Variants in MYH10 observed in about 807,000 individuals in gnomAD.
MYH10 encodes myosin-10.
In MYH10, 55 loss-of-function variants were observed where a neutral mutation model predicts 257.8. That is an observed-to-expected ratio of 0.21 (90% CI 0.17 to 0.27). The LOEUF (loss-of-function observed/expected upper bound fraction) is 0.27, where lower values mean the gene tolerates loss of function less well. MYH10 is among the 10% of genes least tolerant of loss of function. The pLI, the probability that MYH10 is intolerant of heterozygous loss-of-function variation, is 1.00. For synonymous variants in MYH10, 854 were observed against 921.7 expected (o/e 0.93, Z 1.33); for missense variants, 1,631 against 2,500.6 (o/e 0.65, Z 7.42).
chr17:8,497,261 G>A (rs969320829), intron 30 of MYH10, among the ~76,000 whole-genome samples: 1 of 152,152 alleles, frequency 6.6e-6, no homozygotes, highest in East Asian at 1.9e-4. Flanking sequence ...AGACAGCTCT[G>A]TAATTCTTTT....
chr17:8,583,068 GATTTTGTGA>G (rs1393333936), intron 4 of MYH10, among the ~76,000 whole-genome samples: 3 of 152,190 alleles, frequency 2.0e-5, no homozygotes, highest in Admixed American at 2.0e-4. Flanking sequence ...GAAGAGCAGA[GATTTTGTGA>G]TCAACATAGG....
intron 31 of MYH10, among the ~76,000 whole-genome samples, chr17:8,494,596 A>ATG (rs1916293044): frequency 6.6e-6 from 1 of 152,084 alleles, no homozygotes; most frequent in Admixed American, 6.6e-5. Flanking sequence ...ATAAACACTC[A>ATG]TAAGTGTTTG....
rs1462076174 is a variant in MYH10, at chr17:8,535,371, A to G, written c.1894+16T>C. 7.6e-6 allele frequency: 12 copies of G among 1,588,290 alleles called. No individual in the cohort carries two copies. Among genetic ancestry groups the G allele is most frequent in the African/African-American group, 1.3e-5 (1 of 74,314 alleles). Reference sequence around the variant, plus strand: ...ATTCCAGCCAAGCATGATTACAAAGATAAGCACTTTCTTACCATCTTTCCA... The same window carrying G: ...ATTCCAGCCAAGCATGATTACAAAGGTAAGCACTTTCTTACCATCTTTCCA... On this transcript the variant is annotated intron_variant, in intron 16 of 42. Coordinates refer to ENST00000360416, the MANE Select transcript of MYH10 (RefSeq NM_001256012.3). The surrounding 1 kb of genome is among the most constrained non-coding windows in gnomAD (Gnocchi z 4.3).
At position 8,602,169 on chromosome 17, in the gene MYH10, G is replaced by A. The variant is rs955314358; in HGVS notation, c.502+2657C>T. 5.9e-5 allele frequency among the ~76,000 whole-genome samples: 9 copies of A among 152,204 alleles called. 1 individual carries two copies. The highest frequency in any genetic ancestry group is 1.0e-4 in the Non-Finnish European group (7 of 68,006). Reference sequence around the variant, plus strand: ...TTTTTGTATTTTCTTTAATACAGACGGGGTTTCACCGTGTTAGCCAGGATG... The same window carrying A: ...TTTTTGTATTTTCTTTAATACAGACAGGGTTTCACCGTGTTAGCCAGGATG... On this transcript the variant is annotated intron_variant, in intron 3 of 42. Transcript: ENST00000360416.
At chr17:8,536,585 G>C (rs2082144802) in intron 14 of MYH10, among the ~76,000 whole-genome samples, 1 of 152,130 alleles carries the variant, frequency 6.6e-6, no homozygotes, top group Admixed American at 6.5e-5. Context: ...TGGATCACGA[G>C]GTCAGGGGTT....
intron 1 of MYH10, among the ~76,000 whole-genome samples, chr17:8,624,179 T>C (rs979417303): frequency 6.6e-6 from 1 of 152,220 alleles, no homozygotes; most frequent in African/African-American, 2.4e-5. Context: ...CAAGACCTAG[T>C]TGTTTTATTT....
intron 17 of MYH10, among the ~76,000 whole-genome samples, chr17:8,527,600 C>T (rs900510923): frequency 5.9e-5 from 9 of 152,208 alleles, no homozygotes; most frequent in African/African-American, 1.4e-4. Context: ...AAACATTTAT[C>T]GGGTTTCTCT....
At chr17:8,511,088 A>T (rs954322842) in intron 24 of MYH10, 3 of 147,652 alleles carry the variant, frequency 2.0e-5, no homozygotes, top group African/African-American at 7.6e-5. Flanking sequence ...ACACACACAC[A>T]CTTAATATAT....
At chr17:8,481,452 T>G (rs368792401) in intron 37 of MYH10, 42 bp from the exon 38 acceptor site, 3 of 1,580,160 alleles carry the variant, frequency 1.9e-6, no homozygotes, top group Non-Finnish European at 2.6e-6. Flanking sequence ...TGTGAATAGT[T>G]TCCTCACCTG....
Position 8,504,679 on chromosome 17 carries a change from C to G in MYH10, c.3599+15G>C, listed in dbSNP as rs769533095. 92 of 1,609,626 alleles carry G rather than the reference C, an allele frequency of 5.7e-5. No individual in the cohort carries two copies. In the Admixed American group the frequency reaches 1.5e-3, roughly 27 times the overall value. On this transcript the variant is annotated intron_variant, in intron 28 of 42. Transcript: ENST00000360416. The surrounding 1 kb of genome is among the most constrained non-coding windows in gnomAD (Gnocchi z 5.6). ...TCGGCAGGCGCCCGGGCCCTGCTTC[C>G]TCTCCCACACTCACCGTAGTTCCTG...
intron 2 of MYH10, among the ~76,000 whole-genome samples, chr17:8,611,980 C>T (rs566153015): frequency 6.6e-6 from 1 of 152,330 alleles, no homozygotes; most frequent in East Asian, 1.9e-4. Flanking sequence ...TGTCCACAAT[C>T]AACTGTGGTC....
At chr17:8,614,867 G>A (rs9904190) in intron 2 of MYH10, among the ~76,000 whole-genome samples, 53,431 of 152,002 alleles carry the variant, frequency 0.35, 11,215 homozygotes, top group African/African-American at 0.6. Context: ...ATACAAATAA[G>A]TTATCAGTAT....
At position 8,628,038 on chromosome 17, in the gene MYH10, C is replaced by T. The variant is rs572690612; in HGVS notation, c.-32+2616G>A. On this transcript the variant is annotated intron_variant, in intron 1 of 42. Transcript: ENST00000360416. ...TTTGAAGGGTGTGTAGTGTACAATG[C>T]TATATACTACCTTTCTACTAAATAA... Among the ~76,000 whole-genome samples the T allele has an allele frequency of 3.3e-5, 5 of 152,256 alleles. No individual in the cohort carries two copies. The South Asian group carries it at 6.2e-4, about 19-fold the overall frequency.
intron 19 of MYH10, among the ~76,000 whole-genome samples, chr17:8,520,445 G>A (rs1303834635): frequency 6.6e-6 from 1 of 152,120 alleles, no homozygotes; most frequent in South Asian, 2.1e-4. Context: ...GCAGTGAGCC[G>A]AGATGGCTCC....
intron 2 of MYH10, among the ~76,000 whole-genome samples, chr17:8,613,209 C>T (rs1028269274): frequency 4.6e-5 from 7 of 151,952 alleles, no homozygotes; most frequent in African/African-American, 1.5e-4. Flanking sequence ...AGAAAACAAC[C>T]GCCGGCTCTG....
chr17:8,537,377 G>A (rs937227806), intron 14 of MYH10, among the ~76,000 whole-genome samples: 1 of 152,198 alleles, frequency 6.6e-6, no homozygotes, highest in Admixed American at 6.5e-5. Context: ...AAATATAAAT[G>A]AAACAGTGTA....
At chr17:8,592,206 T>C (rs1293005100) in intron 3 of MYH10, among the ~76,000 whole-genome samples, 1 of 151,960 alleles carries the variant, frequency 6.6e-6, no homozygotes, top group Non-Finnish European at 1.5e-5. Flanking sequence ...TTTCTAAACA[T>C]GAGAAAGTTT....
chr17:8,619,873 C>T (rs941716935), intron 2 of MYH10, among the ~76,000 whole-genome samples: 7 of 151,830 alleles, frequency 4.6e-5, no homozygotes, highest in Admixed American at 1.3e-4. Context: ...TGCGATGAGC[C>T]GAGATCGCAC....
intron 24 of MYH10, among the ~76,000 whole-genome samples, chr17:8,511,892 C>G (rs2081309625): frequency 6.6e-6 from 1 of 152,206 alleles, no homozygotes. Flanking sequence ...GGCTGTACCT[C>G]TAAAATATAA....
Sources: allele counts gnomAD v4.1 joint callset (sites outside exome capture counted in the v4.1 genomes callset), GRCh38; gene constraint gnomAD v4.1.1; non-coding constraint Gnocchi (gnomAD v3.1); transcripts MANE v1.5; gene names NCBI Gene and HGNC (gene_info 2026-07-23, HGNC 2026-07-21).